PRKCZ: variants seen among roughly 807,000 people sequenced by gnomAD.
PRKCZ encodes the protein protein kinase C zeta.
A neutral mutation model predicts 79.5 loss-of-function variants in PRKCZ; 33 were observed. The observed-to-expected ratio is 0.41, with a 90% CI of 0.31 to 0.55. PRKCZ has a LOEUF of 0.55. Among genes scored for constraint, PRKCZ ranks in the 20% least tolerant of loss-of-function variants. PRKCZ has a pLI of 0.19. For synonymous variants in PRKCZ, 342 were observed against 320.9 expected, an observed-to-expected ratio of 1.07 and a Z score of -0.70; for missense variants, 578 against 813.5, an observed-to-expected ratio of 0.71 and a Z score of 3.52.
chr1:2,171,997 G>C, intron 11 of PRKCZ, 58 bp from the exon 12 acceptor site: 1 of 1,534,284 alleles, frequency 6.5e-7, no homozygotes, highest in Non-Finnish European at 8.8e-7. Flanking sequence ...CCAGGCTGGA[G>C]CTGTTGGCGC....
At chr1:2,055,873 T>C in intron 2 of PRKCZ, 1 of 281,692 alleles carries the variant, frequency 3.5e-6, no homozygotes, top group Non-Finnish European at 6.7e-6. Flanking sequence ...CCTGGCCTTT[T>C]TCGGTAGGTG....
intron 4 of PRKCZ, among the ~76,000 whole-genome samples, chr1:2,064,300 T>C (rs911490320): frequency 6.6e-6 from 1 of 152,252 alleles, no homozygotes; most frequent in Non-Finnish European, 1.5e-5. Flanking sequence ...GCAAATATCT[T>C]CTCCTGCTTT....
chr1:2,101,861 T>C (rs987970861), intron 4 of PRKCZ, among the ~76,000 whole-genome samples: 6 of 152,198 alleles, frequency 3.9e-5, no homozygotes, highest in African/African-American at 1.4e-4. Context: ...ACGGCAGAGA[T>C]ACGTGGTGGG....
At chr1:2,080,468 G>T (rs984815403) in intron 4 of PRKCZ, among the ~76,000 whole-genome samples, 3 of 152,114 alleles carry the variant, frequency 2.0e-5, no homozygotes, top group African/African-American at 7.2e-5. Flanking sequence ...CCTTGATGCT[G>T]CCCCCCGTGC....
chr1:2,170,873 C>T (rs952797088), intron 11 of PRKCZ, among the ~76,000 whole-genome samples: 2 of 152,262 alleles, frequency 1.3e-5, no homozygotes, highest in African/African-American at 2.4e-5. Flanking sequence ...AGGGGCCACA[C>T]TTTGCTTATC....
intron 16 of PRKCZ, among the ~76,000 whole-genome samples, chr1:2,176,689 C>T (rs1439547401): frequency 1.3e-5 from 2 of 152,252 alleles, no homozygotes; most frequent in East Asian, 3.8e-4. Flanking sequence ...GCAGCCTCGG[C>T]CAGCGTGGGA....
chr1:2,108,252 C>T lies in PRKCZ; in HGVS notation c.335-27010C>T, dbSNP rs903261002. Among the ~76,000 whole-genome samples the T allele has an allele frequency of 2.2e-4, 34 of 152,256 alleles. 1 individual carries two copies. Among genetic ancestry groups the T allele is most frequent in the African/African-American group, 8.0e-4 (33 of 41,468 alleles). On this transcript the variant is annotated intron_variant, in intron 4 of 17. Coordinates refer to ENST00000378567, the MANE Select transcript of PRKCZ (RefSeq NM_002744.6). ...GAGGCCGTCCTCTCCTGCAGAACCC[C>T]GGCCTCTTCGCCCCTGCCCGCTCAC...
At chr1:2,108,542 G>A (rs1209186322) in intron 4 of PRKCZ, among the ~76,000 whole-genome samples, 2 of 152,244 alleles carry the variant, frequency 1.3e-5, no homozygotes, top group Non-Finnish European at 2.9e-5. Context: ...TTGGCCTCGC[G>A]CGGCCATGTG....
intron 4 of PRKCZ, chr1:2,074,231 G>C (rs78053931): frequency 1.4e-5 from 22 of 1,550,418 alleles, no homozygotes; most frequent in Non-Finnish European, 1.8e-5. Flanking sequence ...CCTTCTGAGC[G>C]AGGCAGGGGC....
intron 4 of PRKCZ, among the ~76,000 whole-genome samples, chr1:2,113,050 C>T (rs2102734716): frequency 6.6e-6 from 1 of 152,340 alleles, no homozygotes; most frequent in Non-Finnish European, 1.5e-5. Flanking sequence ...AGTGGCTTGG[C>T]TAGGGCCTGC....
intron 4 of PRKCZ, among the ~76,000 whole-genome samples, chr1:2,065,414 C>G (rs989693369): frequency 5.3e-5 from 8 of 152,280 alleles, no homozygotes; most frequent in Middle Eastern, 3.4e-3. Flanking sequence ...CGCGGTGGCT[C>G]ACGCCTGTAA....
At chr1:2,166,572 C>T (rs191387625) in intron 10 of PRKCZ, among the ~76,000 whole-genome samples, 7 of 152,226 alleles carry the variant, frequency 4.6e-5, no homozygotes, top group Admixed American at 2.0e-4. Flanking sequence ...CAGGCCACAA[C>T]ATGGCGAGTG....
At chr1:2,108,219 C>T (rs1020604279) in intron 4 of PRKCZ, among the ~76,000 whole-genome samples, 1 of 152,258 alleles carries the variant, frequency 6.6e-6, no homozygotes, top group African/African-American at 2.4e-5. Flanking sequence ...CTGGTCCAAG[C>T]GCGTGGTGAG....
chr1:2,155,305 T>A (rs1253447932), intron 9 of PRKCZ, among the ~76,000 whole-genome samples: 9 of 150,906 alleles, frequency 6.0e-5, no homozygotes, highest in Admixed American at 5.9e-4. Flanking sequence ...GTGATGACAA[T>A]GGTGGTGATG....
chr1:2,169,580 G>A lies in PRKCZ; in HGVS notation c.1037G>A (p.Arg346Lys), dbSNP rs994950208. Reference sequence around the variant, plus strand: ...CTGATGTTCCACATGCAGAGGCAGAGGAAGCTCCCTGAGGAGCACGCCAGG... The same window carrying A: ...CTGATGTTCCACATGCAGAGGCAGAAGAAGCTCCCTGAGGAGCACGCCAGG... ...GDLMFHMQRQ[R>K]KLPEEHARFY... Residue 346 changes from arginine to lysine, a missense_variant, in exon 11 of 18, where the codon AGG (arginine) becomes AAG (lysine). By Grantham distance (26) the Arg-to-Lys change is conservative. Around this residue, in one of 4 missense-constraint regions of PRKCZ, gnomAD observed 243 missense variants for 467.0 expected, o/e 0.52. Transcript: ENST00000378567. The A allele has an allele frequency of 1.3e-6, 2 of 1,530,378 alleles. No individual in the cohort carries two copies. The highest frequency in any genetic ancestry group is 1.8e-6 in the Non-Finnish European group (2 of 1,132,258). The allele number at this position is 1,530,378 out of a possible 1,614,324, so 94.8% of individuals were successfully genotyped here.
chr1:2,150,781 C>T lies in PRKCZ; in HGVS notation c.688-9C>T, dbSNP rs79604593. 2,236 of 1,608,516 alleles carry T rather than the reference C, an allele frequency of 1.4e-3. 17 individuals carry two copies. In the African/African-American group the frequency reaches 0.019, roughly 13 times the overall value. ...TCTCACTTTCTGGGGTCTTGTTCTC[C>T]CTCCCTAGGACCTTAAGCCAGTTAT... On this transcript the variant is annotated splice_polypyrimidine_tract_variant and intron_variant, in intron 8 of 17. Transcript: ENST00000378567.
intron 4 of PRKCZ, among the ~76,000 whole-genome samples, chr1:2,113,271 C>G (rs1202028693): frequency 6.6e-6 from 1 of 152,204 alleles, no homozygotes; most frequent in Non-Finnish European, 1.5e-5. Flanking sequence ...CCCGTTTCCT[C>G]CCCACTGGTC....
intron 4 of PRKCZ, among the ~76,000 whole-genome samples, chr1:2,089,023 T>A (rs1174125181): frequency 1.3e-5 from 2 of 152,240 alleles, no homozygotes; most frequent in East Asian, 3.8e-4. Flanking sequence ...AAAATACTAG[T>A]GATACGAGGT....
chr1:2,175,646 C>A (rs1345160687), intron 16 of PRKCZ, among the ~76,000 whole-genome samples: 1 of 151,868 alleles, frequency 6.6e-6, no homozygotes, highest in African/African-American at 2.4e-5. Flanking sequence ...AGCTCGCGCA[C>A]CGCCGGGCTG....
Sources: allele counts gnomAD v4.1 joint callset (sites outside exome capture counted in the v4.1 genomes callset), GRCh38; gene constraint gnomAD v4.1.1; regional missense constraint gnomAD v4.1.1; transcripts MANE v1.5; gene names NCBI Gene and HGNC (gene_info 2026-07-23, HGNC 2026-07-21).